The following AGBL4 variants were observed in gnomAD, a reference collection of about 807,000 sequenced individuals.
The protein encoded by AGBL4 is cytosolic carboxypeptidase 6.
Under a neutral mutation model 66.4 loss-of-function variants are expected in AGBL4, and 58 were observed. The ratio of observed to expected loss-of-function variants is 0.87; its 90% confidence interval spans 0.71 to 1.09. The LOEUF (loss-of-function observed/expected upper bound fraction) is 1.09. AGBL4 is among the 50% of genes least tolerant of loss of function. The pLI is 0.00. For synonymous variants in AGBL4, 234 were observed against 222.9 expected, an observed-to-expected ratio of 1.05 and a Z score of -0.44; for missense variants, 579 against 631.0, an observed-to-expected ratio of 0.92 and a Z score of 0.88.
intron 3 of AGBL4, among the ~76,000 whole-genome samples, chr1:49,624,620 C>T (rs931408111): frequency 1.3e-5 from 2 of 152,164 alleles, no homozygotes; most frequent in African/African-American, 2.4e-5. Context: ...TCTTTCCTTT[C>T]TCCTTCCTGC....
At chr1:48,652,721 GA>G (rs1188099090) in intron 8 of AGBL4, among the ~76,000 whole-genome samples, 2 of 152,196 alleles carry the variant, frequency 1.3e-5, no homozygotes, top group African/African-American at 4.8e-5. Context: ...TTTTTTGGCA[GA>G]TAATCTTCTG....
intron 4 of AGBL4, among the ~76,000 whole-genome samples, chr1:49,098,391 T>C (rs1645144899): frequency 6.6e-6 from 1 of 152,124 alleles, no homozygotes; most frequent in South Asian, 2.1e-4. Context: ...AATATAGCAC[T>C]GAGAAAAGTC....
At chr1:48,905,220 A>G (rs1045099326) in intron 5 of AGBL4, among the ~76,000 whole-genome samples, 6 of 152,196 alleles carry the variant, frequency 3.9e-5, no homozygotes, top group Admixed American at 2.0e-4. Flanking sequence ...CAGCCCCTCT[A>G]TGAAAGACAC....
In AGBL4 at chr1:48,587,031, C is replaced by T. The variant is rs752090051; in HGVS notation, c.1240G>A (p.Ala414Thr). The T allele has an allele frequency of 2.5e-6, 4 of 1,609,860 alleles. No individual in the cohort carries two copies. Among genetic ancestry groups the T allele is most frequent in the Non-Finnish European group, 3.4e-6 (4 of 1,178,348 alleles). Reference protein sequence around the residue: ...FYSYIISGTTAAVPYTEEAYM... With the variant: ...FYSYIISGTTTAVPYTEEAYM... ...GCTTCTTCAGTGTAGGGCACAGCAG[C>T]CGTGGTGCCACTGATGATGTAGCTG... Residue 414 changes from alanine (A) to threonine (T), a missense_variant, in exon 11 of 14, where the codon GCT becomes ACT. Physicochemically the swap from Ala to Thr is moderately conservative, Grantham distance 58. Transcript: ENST00000371839.
intron 3 of AGBL4, among the ~76,000 whole-genome samples, chr1:49,277,983 T>C (rs1337822922): frequency 2.0e-5 from 3 of 152,184 alleles, no homozygotes; most frequent in Non-Finnish European, 4.4e-5. Context: ...CCAGGCACTT[T>C]ACCTACAAAA....
rs188166775 is a variant in AGBL4, at chr1:49,711,163, G to A, written c.158-13726C>T. Among the ~76,000 whole-genome samples the A allele has an allele frequency of 5.3e-3, 811 of 152,130 alleles. 3 individuals carry two copies. The highest frequency in any genetic ancestry group is 0.017 in the Middle Eastern group (5 of 294). ...GTTTCCAGTGAAAATGTAAAAGGAC[G>A]ATCACTTTGCAAAACCATTTGATAA... On this transcript the variant is annotated intron_variant, in intron 2 of 13. Coordinates refer to ENST00000371839, the MANE Select transcript of AGBL4 (RefSeq NM_032785.4).
At chr1:49,745,826 G>A (rs1426400692) in intron 2 of AGBL4, among the ~76,000 whole-genome samples, 1 of 150,274 alleles carries the variant, frequency 6.7e-6, no homozygotes, top group African/African-American at 2.4e-5. Context: ...ATTGACAGAA[G>A]CAAAAAAAAT....
chr1:48,611,684 C>T (rs4926745), intron 9 of AGBL4, among the ~76,000 whole-genome samples: 41,985 of 151,986 alleles, frequency 0.28, 6,088 homozygotes, highest in Middle Eastern at 0.34. Flanking sequence ...GAGGGGCTAC[C>T]TCACTTGCCC....
chr1:49,652,693 C>T (rs756304580), intron 3 of AGBL4, among the ~76,000 whole-genome samples: 2 of 152,282 alleles, frequency 1.3e-5, no homozygotes, highest in South Asian at 2.1e-4. Context: ...CAATTCCCCA[C>T]AGCGCAGCAC....
chr1:49,682,696 G>T (rs932768171), intron 3 of AGBL4, among the ~76,000 whole-genome samples: 1 of 152,184 alleles, frequency 6.6e-6, no homozygotes, highest in Admixed American at 6.5e-5. Flanking sequence ...TCCACAATGA[G>T]TAGGGCCCAC....
intron 3 of AGBL4, among the ~76,000 whole-genome samples, chr1:49,518,367 C>T (rs975938524): frequency 1.3e-5 from 2 of 152,104 alleles, no homozygotes; most frequent in Admixed American, 6.6e-5. Context: ...TCTCCATTCA[C>T]TCAACCAATA....
At chr1:49,249,038 T>G (rs1295944172) in intron 3 of AGBL4, among the ~76,000 whole-genome samples, 5 of 152,140 alleles carry the variant, frequency 3.3e-5, no homozygotes, top group African/African-American at 7.2e-5. Flanking sequence ...ACTGAAAATG[T>G]GAAAGCTCCA....
intron 4 of AGBL4, among the ~76,000 whole-genome samples, chr1:49,209,280 C>T (rs2148250968): frequency 6.6e-6 from 1 of 152,168 alleles, no homozygotes; most frequent in Non-Finnish European, 1.5e-5. Context: ...TACTAACTTC[C>T]TATCTGTCCA....
Position 49,845,011 on chromosome 1 carries a change from C to T in AGBL4, c.157+6385G>A, listed in dbSNP as rs546910014. 276 of 1,438,072 alleles carry T rather than the reference C, an allele frequency of 1.9e-4. 2 individuals carry two copies. In the South Asian group the frequency reaches 2.9e-3, roughly 15 times the overall value. The allele number at this position is 1,438,072 out of a possible 1,614,324, so 89.1% of individuals were successfully genotyped here. On this transcript the variant is annotated intron_variant, in intron 2 of 13. Coordinates refer to ENST00000371839, the MANE Select transcript of AGBL4 (RefSeq NM_032785.4). ...ACAAGGCCCCCACACGTGGGGAACA[C>T]GTGGAAAAAGGGAGAAGCCAGACCT...
intron 4 of AGBL4, among the ~76,000 whole-genome samples, chr1:49,107,690 TGTGTGAGAGAGAGA>T (rs948002859): frequency 1.1e-4 from 12 of 107,158 alleles, no homozygotes; most frequent in Admixed American, 8.2e-4. Context: ...TGTGTGTGTG[TGTGTGAGAGAGAGA>T]GAGAGAGAGA....
chr1:49,213,515 A>G (rs114557756), intron 4 of AGBL4, among the ~76,000 whole-genome samples: 1,608 of 151,722 alleles, frequency 0.011, 5 homozygotes, highest in Middle Eastern at 0.024. Context: ...CCTTGCTCCT[A>G]TTTCCGCCAT....
intron 2 of AGBL4, among the ~76,000 whole-genome samples, chr1:49,770,069 G>C (rs866751194): frequency 2.0e-5 from 3 of 152,146 alleles, no homozygotes; most frequent in African/African-American, 7.2e-5. Flanking sequence ...GCTGGGCGCG[G>C]TGACTCACGC....
At chr1:49,810,149 A>G (rs1645065171) in intron 2 of AGBL4, among the ~76,000 whole-genome samples, 1 of 152,168 alleles carries the variant, frequency 6.6e-6, no homozygotes, top group Non-Finnish European at 1.5e-5. Context: ...GTTGAGGAAA[A>G]TGAGGCTCAG....
At chr1:49,156,601 A>C (rs1646434947) in intron 4 of AGBL4, among the ~76,000 whole-genome samples, 1 of 152,148 alleles carries the variant, frequency 6.6e-6, no homozygotes. Flanking sequence ...GTTCCTCATT[A>C]CATAGGCCTT....
Sources: allele counts gnomAD v4.1 joint callset (sites outside exome capture counted in the v4.1 genomes callset), GRCh38; gene constraint gnomAD v4.1.1; transcripts MANE v1.5; gene names NCBI Gene and HGNC (gene_info 2026-07-23, HGNC 2026-07-21).